The following CHSY3 variants were observed in gnomAD, a reference collection of about 807,000 sequenced individuals.
The protein encoded by CHSY3 is N-acetylgalactosaminyl-proteoglycan 3-beta-glucuronosyltransferase 3.
In CHSY3, 35 loss-of-function variants were observed where a neutral mutation model predicts 67.2. The ratio of observed to expected loss-of-function variants is 0.52; its 90% CI spans 0.40 to 0.69. The LOEUF (loss-of-function observed/expected upper bound fraction) is 0.69, where lower values mean the gene tolerates loss of function less well. Among genes scored for constraint, CHSY3 ranks in the 30% least tolerant of loss-of-function variants. The pLI, the probability that CHSY3 is intolerant of heterozygous loss-of-function variation, is 0.00. For synonymous variants in CHSY3, 474 were observed against 434.7 expected (o/e 1.09, Z -1.12); for missense variants, 1,069 against 1,138.5 (o/e 0.94, Z 0.88).
intron 2 of CHSY3, among the ~76,000 whole-genome samples, chr5:129,933,206 C>T (rs1030777899): frequency 2.0e-5 from 3 of 152,234 alleles, no homozygotes; most frequent in East Asian, 1.9e-4. Flanking sequence ...AGAAGTGACC[C>T]GGTGCAAACT....
chr5:130,004,797 T>G (rs1763826068), intron 2 of CHSY3, among the ~76,000 whole-genome samples: 1 of 152,138 alleles, frequency 6.6e-6, no homozygotes, highest in South Asian at 2.1e-4. Context: ...AGGTCATGAG[T>G]AGACCTGTCA....
chr5:129,920,715 G>T (rs1463555220), intron 2 of CHSY3, among the ~76,000 whole-genome samples: 4 of 152,216 alleles, frequency 2.6e-5, no homozygotes, highest in Non-Finnish European at 2.9e-5. Context: ...ACAGTTTGAA[G>T]TGTATCAGTA....
At chr5:130,026,440 C>A (rs764693165) in intron 2 of CHSY3, among the ~76,000 whole-genome samples, 2 of 152,024 alleles carry the variant, frequency 1.3e-5, no homozygotes, top group African/African-American at 4.8e-5. Context: ...CACTGGTAAG[C>A]AGGATTTCCT....
intron 2 of CHSY3, among the ~76,000 whole-genome samples, chr5:130,116,862 TC>T (rs1409339107): frequency 9.9e-6 from 1 of 101,098 alleles, no homozygotes; most frequent in Non-Finnish European, 2.0e-5. Flanking sequence ...TCTAGCTTTG[TC>T]TTTTTTTTTT....
At chr5:130,132,936 T>G (rs1258965340) in intron 2 of CHSY3, among the ~76,000 whole-genome samples, 1 of 152,190 alleles carries the variant, frequency 6.6e-6, no homozygotes, top group Non-Finnish European at 1.5e-5. Context: ...TTCTGTAATC[T>G]TTCACCAAAG....
chr5:130,143,810 G>GTGTATATATATATA (rs1469625551), intron 2 of CHSY3, among the ~76,000 whole-genome samples: 1 of 56,484 alleles, frequency 1.8e-5, no homozygotes. Flanking sequence ...ATATATGTGT[G>GTGTATATATATATA]TATATATATA....
intron 2 of CHSY3, among the ~76,000 whole-genome samples, chr5:130,058,623 T>A (rs146853811): frequency 2.7e-4 from 41 of 152,230 alleles, no homozygotes; most frequent in African/African-American, 8.9e-4. Context: ...TGAAACTTCG[T>A]CTCAAAAAGA....
chr5:130,014,642 C>A (rs1301670300), intron 2 of CHSY3, among the ~76,000 whole-genome samples: 6 of 152,130 alleles, frequency 3.9e-5, no homozygotes, highest in African/African-American at 1.4e-4. Flanking sequence ...ATGAGAACTA[C>A]AATTCAAGAT....
intron 2 of CHSY3, among the ~76,000 whole-genome samples, chr5:129,977,517 TG>T (rs1762847302): frequency 6.6e-6 from 1 of 152,170 alleles, no homozygotes; most frequent in Admixed American, 6.6e-5. Flanking sequence ...TTAGCTTATC[TG>T]TAAGATGGTT....
In CHSY3 at chr5:130,184,956, C is replaced by A. The variant is rs777107419; in HGVS notation, c.1814C>A (p.Ser605Tyr). 28 of 1,563,720 alleles carry A rather than the reference C, an allele frequency of 1.8e-5. No homozygotes were observed. Among genetic ancestry groups the A allele is most frequent in the Non-Finnish European group, 2.3e-5 (26 of 1,134,688 alleles). Residue 605 changes from serine to tyrosine, a missense_variant, in exon 3 of 3, where the codon TCT (serine) becomes TAT (tyrosine). Transcript: ENST00000305031. ...ATATCTAATTCTTTAAAGATATTATCTTCTTTTCAAGGTGCCAAAGAAATG... is the reference window on the plus strand; with the variant it reads ...ATATCTAATTCTTTAAAGATATTATATTCTTTTCAAGGTGCCAAAGAAATG... ...SFISNSLKIL[S>Y]SFQGAKEMGG...
intron 2 of CHSY3, among the ~76,000 whole-genome samples, chr5:130,112,573 C>G (rs754021528): frequency 2.4e-4 from 36 of 152,062 alleles, no homozygotes; most frequent in Non-Finnish European, 5.0e-4. Flanking sequence ...AGCTACACTC[C>G]CCTATAGAAT....
intron 2 of CHSY3, among the ~76,000 whole-genome samples, chr5:129,991,326 A>C (rs1330127440): frequency 6.6e-6 from 1 of 152,150 alleles, no homozygotes; most frequent in Non-Finnish European, 1.5e-5. Flanking sequence ...TTTAGGAGCT[A>C]AAATTAAAAG....
intron 2 of CHSY3, among the ~76,000 whole-genome samples, chr5:130,170,819 GT>G (rs1769876823): frequency 7.1e-6 from 1 of 141,590 alleles, no homozygotes; most frequent in Non-Finnish European, 1.6e-5. Context: ...CCTTTGCCCA[GT>G]TTTAATCAAG....
chr5:129,929,086 A>G (rs931122728), intron 2 of CHSY3, among the ~76,000 whole-genome samples: 1 of 152,186 alleles, frequency 6.6e-6, no homozygotes, highest in African/African-American at 2.4e-5. Context: ...GTCAGATTGG[A>G]ATAGACAAGT....
intron 2 of CHSY3, among the ~76,000 whole-genome samples, chr5:130,124,532 T>C (rs1470170088): frequency 6.6e-6 from 1 of 151,830 alleles, no homozygotes; most frequent in African/African-American, 2.4e-5. Flanking sequence ...CTCAGCTCAC[T>C]GCAACCTCCA....
intron 2 of CHSY3, among the ~76,000 whole-genome samples, chr5:129,962,107 A>C (rs892287327): frequency 3.9e-5 from 6 of 151,968 alleles, no homozygotes; most frequent in African/African-American, 1.2e-4. Flanking sequence ...GAAAATTTTC[A>C]TTATGAATTA....
chr5:130,064,573 A>T (rs1765822308), intron 2 of CHSY3, among the ~76,000 whole-genome samples: 1 of 152,146 alleles, frequency 6.6e-6, no homozygotes, highest in South Asian at 2.1e-4. Context: ...AATTTTGCTC[A>T]ATTTGGGAAA....
intron 2 of CHSY3, among the ~76,000 whole-genome samples, chr5:129,963,536 G>T (rs1762391978): frequency 6.6e-6 from 1 of 151,956 alleles, no homozygotes; most frequent in African/African-American, 2.4e-5. Flanking sequence ...AAAATGACTA[G>T]CAGATGACAC....
At chr5:130,022,501 A>G (rs1237269902) in intron 2 of CHSY3, among the ~76,000 whole-genome samples, 5 of 152,028 alleles carry the variant, frequency 3.3e-5, no homozygotes, top group Admixed American at 6.6e-5. Context: ...AGTTAAAAGT[A>G]TCTAGATAAG....
Sources: allele counts gnomAD v4.1 joint callset (sites outside exome capture counted in the v4.1 genomes callset), GRCh38; gene constraint gnomAD v4.1.1; transcripts MANE v1.5; gene names NCBI Gene and HGNC (gene_info 2026-07-23, HGNC 2026-07-21).